The following PTPN13 variants were observed in gnomAD, a reference collection of about 807,000 sequenced individuals.
The protein encoded by PTPN13 is tyrosine-protein phosphatase non-receptor type 13.
A neutral mutation model predicts 284.0 loss-of-function variants in PTPN13; 191 were observed. That is an observed-to-expected ratio of 0.67 (90% CI 0.60 to 0.76). PTPN13 has a LOEUF of 0.76. PTPN13 is among the 30% of genes least tolerant of loss of function. PTPN13 has a pLI of 0.00. For missense variants in PTPN13, 2,797 were observed against 2,939.9 expected (o/e 0.95, Z 1.12); for synonymous variants, 986 against 1,022.3 (o/e 0.96, Z 0.68).
chr4:86,747,958 A>G (rs980408575), intron 17 of PTPN13, among the ~76,000 whole-genome samples: 1 of 152,226 alleles, frequency 6.6e-6, no homozygotes, highest in East Asian at 1.9e-4. Context: ...ATGGCAAAAC[A>G]GGTTCAGAGA....
At chr4:86,610,415 A>C (rs976376703) in intron 1 of PTPN13, among the ~76,000 whole-genome samples, 66 of 152,346 alleles carry the variant, frequency 4.3e-4, no homozygotes, top group African/African-American at 1.5e-3. Flanking sequence ...TCAAAGTCAA[A>C]AAATGTTAGT....
At chr4:86,659,439 A>G (rs923609707) in intron 2 of PTPN13, among the ~76,000 whole-genome samples, 18 of 152,192 alleles carry the variant, frequency 1.2e-4, no homozygotes, top group African/African-American at 4.1e-4. Flanking sequence ...GAAGTTTTCC[A>G]ATATCTGATT....
rs1729757875 is a variant in PTPN13 at position 86,689,152 on chromosome 4, A to G, written c.508A>G (p.Lys170Glu). The change falls in exon 5 of 48, where the codon AAA (lysine) becomes GAA (glutamate). Residue 170 changes from lysine (K) to glutamate (E), a missense_variant. By Grantham distance (56) the Lys-to-Glu change is moderately conservative (BLOSUM62 1). Transcript: ENST00000411767. The part of the protein sequence containing the change: ...SNCAPSFSYV[K>E]HLVKLVLGNL... ...TTGTGCACCCTCATTTTCCTACGTG[A>G]AACACTTGGTAAAACTGGTTCTGGG... 6.2e-7 allele frequency: 1 copy of G among 1,613,688 alleles called. No individual in the cohort carries two copies. The highest frequency in any genetic ancestry group is 8.5e-7 in the Non-Finnish European group (1 of 1,179,638).
At chr4:86,760,680 A>G (rs1738568219) in intron 23 of PTPN13, among the ~76,000 whole-genome samples, 1 of 152,102 alleles carries the variant, frequency 6.6e-6, no homozygotes, top group East Asian at 1.9e-4. Context: ...AACTTTACCT[A>G]TTGTGAGGAT....
At chr4:86,730,994 T>C (rs563179921) in intron 10 of PTPN13, among the ~76,000 whole-genome samples, 24 of 152,244 alleles carry the variant, frequency 1.6e-4, no homozygotes, top group African/African-American at 3.4e-4. Context: ...TATTGGTTCA[T>C]TGAATATTAA....
intron 15 of PTPN13, among the ~76,000 whole-genome samples, chr4:86,737,030 A>T (rs1249306666): frequency 6.6e-6 from 1 of 152,146 alleles, no homozygotes; most frequent in East Asian, 1.9e-4. Flanking sequence ...TATAATTTAC[A>T]TACAATAAAA....
At chr4:86,689,294 G>C (rs1729775148) in intron 5 of PTPN13, 104 bp downstream of exon 5, 7 of 876,714 alleles carry the variant, frequency 8.0e-6, no homozygotes, top group Non-Finnish European at 1.2e-5. Context: ...TCTCAATGAA[G>C]ACTAGAAATG....
intron 3 of PTPN13, among the ~76,000 whole-genome samples, chr4:86,680,777 A>G (rs1728816577): frequency 6.6e-6 from 1 of 152,192 alleles, no homozygotes; most frequent in South Asian, 2.1e-4. Context: ...TTAGATGCAC[A>G]GGCTGTAGCC....
Position 86,701,391 on chromosome 4 carries a change from A to C in PTPN13, c.785A>C (p.Asn262Thr). The change falls in exon 7 of 48, where the codon AAT (asparagine) becomes ACT (threonine). Residue 262 changes from asparagine (N) to threonine (T), a missense_variant. Physicochemically the swap from Asn to Thr is moderately conservative, Grantham distance 65. Coordinates refer to ENST00000411767, the MANE Select transcript of PTPN13 (RefSeq NM_080683.3). Reference sequence around the variant, plus strand: ...TATTTCAAGGACATTTTATCAGATAATTCTGGACGTGAAGATTCTGAAAAT... The same window carrying C: ...TATTTCAAGGACATTTTATCAGATACTTCTGGACGTGAAGATTCTGAAAAT... ...ENYFKDILSD[N>T]SGREDSENTF... The C allele has an allele frequency of 1.2e-6, 2 of 1,613,606 alleles. No homozygotes were observed. The highest frequency in any genetic ancestry group is 1.7e-6 in the Non-Finnish European group (2 of 1,179,650).
chr4:86,660,714 A>G (rs931285133), intron 2 of PTPN13, among the ~76,000 whole-genome samples: 3 of 152,204 alleles, frequency 2.0e-5, no homozygotes, highest in African/African-American at 7.2e-5. Context: ...ATTAAATTTA[A>G]TATATAACAT....
intron 3 of PTPN13, among the ~76,000 whole-genome samples, chr4:86,677,635 T>G (rs1298884243): frequency 9.7e-5 from 12 of 124,160 alleles, no homozygotes; most frequent in South Asian, 7.2e-4. Context: ...CTTGTGTGGG[T>G]TTTTTTTTTT....
At chr4:86,631,380 CAT>C (rs1040505764) in intron 1 of PTPN13, among the ~76,000 whole-genome samples, 21 of 151,966 alleles carry the variant, frequency 1.4e-4, no homozygotes, top group East Asian at 3.9e-4. Flanking sequence ...GTAAAATAAA[CAT>C]GTGAGAGAGA....
At position 86,769,980 on chromosome 4, in the gene PTPN13, G is replaced by A. The variant is rs1739793285; in HGVS notation, c.4701G>A (p.Gln1567=). The change falls in exon 29 of 48, where the codon CAG becomes CAA. Residue 1567 remains glutamine (Q), a synonymous_variant. Transcript: ENST00000411767. ...GAGCCTCTTTGAAAGGACTATCTCAGCAGGTGAGCCCCTAGCATGTGGAGT... is the reference window on the plus strand; with the variant it reads ...GAGCCTCTTTGAAAGGACTATCTCAACAGGTGAGCCCCTAGCATGTGGAGT... The part of the protein sequence containing the change: ...VNGASLKGLS[Q]QEVISALRGT... 5.0e-6 allele frequency: 8 copies of A among 1,613,836 alleles called. No individual in the cohort carries two copies. In the Middle Eastern group the frequency reaches 8.2e-4, roughly 166 times the overall value.
chr4:86,809,727 T>C (rs768852560), intron 45 of PTPN13, 42 bp from the exon 46 acceptor site: 23 of 1,532,190 alleles, frequency 1.5e-5, no homozygotes. Flanking sequence ...ATGTGAACAA[T>C]ATAACATGTC....
chr4:86,771,378 T>C lies in PTPN13; in HGVS notation c.5011T>C (p.Ser1671Pro). The change falls in exon 31 of 48, where the codon TCA becomes CCA. Residue 1671 changes from serine (S) to proline (P), a missense_variant. Coordinates refer to ENST00000411767, the MANE Select transcript of PTPN13 (RefSeq NM_080683.3). ...DDLVTAPANI[S>P]NSTWSSALHQ... ...CTTAGTGACAGCTCCAGCAAACATA[T>C]CAAATTCGACCTGGAGTTCAGCTTT... The C allele has an allele frequency of 1.9e-6, 3 of 1,573,438 alleles. No individual in the cohort carries two copies. Among genetic ancestry groups the C allele is most frequent in the Non-Finnish European group, 2.6e-6 (3 of 1,158,814 alleles).
Position 86,645,192 on chromosome 4 carries a change from A to AAAACAAAC in PTPN13, c.115+9836_115+9843dup, listed in dbSNP as rs569877633. Among the ~76,000 whole-genome samples the AAAACAAAC allele has an allele frequency of 1.4e-4, 21 of 152,256 alleles. 1 individual carries two copies. The East Asian group carries it at 4.1e-3, about 29-fold the overall frequency. ...GCAACAGAGTTAGGCCCCGTCTCCAAAAACAAACAAACAAACAAACAAGCA... is the reference window on the plus strand; with the variant it reads ...GCAACAGAGTTAGGCCCCGTCTCCAAAAACAAACAAACAAACAAACAAACAAACAAGCA... On this transcript the variant is annotated intron_variant, in intron 2 of 47. Coordinates refer to ENST00000411767, the MANE Select transcript of PTPN13 (RefSeq NM_080683.3).
At chr4:86,678,104 C>G (rs1217353689) in intron 3 of PTPN13, among the ~76,000 whole-genome samples, 1 of 152,108 alleles carries the variant, frequency 6.6e-6, no homozygotes, top group Non-Finnish European at 1.5e-5. Context: ...GCTATTATAT[C>G]TTATAAACTA....
At chr4:86,626,947 AAAC>A (rs1721905937) in intron 1 of PTPN13, among the ~76,000 whole-genome samples, 1 of 152,152 alleles carries the variant, frequency 6.6e-6, no homozygotes, top group South Asian at 2.1e-4. Flanking sequence ...CAAGAACTGG[AAAC>A]AACCCCAAAT....
At chr4:86,771,900 A>G (rs941284359) in intron 31 of PTPN13, among the ~76,000 whole-genome samples, 4 of 152,214 alleles carry the variant, frequency 2.6e-5, no homozygotes, top group Non-Finnish European at 5.9e-5. Flanking sequence ...AAGGGCAGAG[A>G]GTTTGCAAAA....
Sources: gnomAD v4.1 joint callset for allele counts (sites outside exome capture counted in the v4.1 genomes callset) on GRCh38, gnomAD v4.1.1 for gene constraint, MANE v1.5 for transcripts, NCBI Gene and HGNC (gene_info 2026-07-23, HGNC 2026-07-21) for gene names.